Variants in CACNB2 observed in about 807,000 individuals in gnomAD.
CACNB2 encodes voltage-dependent L-type calcium channel subunit beta-2.
A neutral mutation model predicts 73.3 loss-of-function variants in CACNB2; 42 were observed. That is an observed-to-expected ratio of 0.57 (90% CI 0.45 to 0.74). The LOEUF (loss-of-function observed/expected upper bound fraction) is 0.74. Among genes scored for constraint, CACNB2 ranks in the 30% least tolerant of loss-of-function variants. The pLI is 0.00. For synonymous variants in CACNB2, 348 were observed against 310.3 expected, an observed-to-expected ratio of 1.12 and a Z score of -1.28; for missense variants, 940 against 853.0, an observed-to-expected ratio of 1.10 and a Z score of -1.27.
intron 2 of CACNB2, among the ~76,000 whole-genome samples, chr10:18,255,243 C>T (rs143648205): frequency 1.3e-5 from 2 of 152,204 alleles, no homozygotes; most frequent in African/African-American, 4.8e-5. Flanking sequence ...TCTTCTCCTC[C>T]CTCTCTTACT....
intron 2 of CACNB2, chr10:18,401,049 C>T (rs780188247): frequency 6.2e-7 from 1 of 1,614,192 alleles, no homozygotes; most frequent in African/African-American, 1.3e-5. Flanking sequence ...CCACCTGGAT[C>T]AGGCTTCTGA....
intron 3 of CACNB2, among the ~76,000 whole-genome samples, chr10:18,442,795 A>G (rs140010445): frequency 0.025 from 3,761 of 150,132 alleles, 174 homozygotes; most frequent in African/African-American, 0.085. Flanking sequence ...ATTGCACTCC[A>G]GCCTGGTGAC....
chr10:18,501,723 CTTAT>C (rs1444647194), intron 5 of CACNB2, among the ~76,000 whole-genome samples: 1 of 152,154 alleles, frequency 6.6e-6, no homozygotes, highest in African/African-American at 2.4e-5. Flanking sequence ...CATCTTACAT[CTTAT>C]TTGTTTATCT....
At chr10:18,371,469 T>C (rs2042581764) in intron 2 of CACNB2, among the ~76,000 whole-genome samples, 1 of 152,200 alleles carries the variant, frequency 6.6e-6, no homozygotes, top group Admixed American at 6.5e-5. Flanking sequence ...TTGGTTTTTT[T>C]GTCCTTGCGA....
intron 4 of CACNB2, among the ~76,000 whole-genome samples, chr10:18,499,633 A>AAC: frequency 9.6e-6 from 1 of 104,534 alleles, no homozygotes; most frequent in East Asian, 3.4e-4. Flanking sequence ...AAAAAAAAAA[A>AAC]AAAAAAGAAC....
Position 18,518,981 on chromosome 10 carries a change from G to C in CACNB2, c.944+13G>C. On this transcript the variant is annotated intron_variant, in intron 9 of 13. Coordinates refer to ENST00000324631, the MANE Select transcript of CACNB2 (RefSeq NM_201596.3). ...GATTTGAAGGGCGGTGAGTATTTCA[G>C]CATACTGGGTTTTGTGGATTTTGTC... 6.2e-7 allele frequency: 1 copy of C among 1,612,616 alleles called. No homozygotes were observed. The highest frequency in any genetic ancestry group is 1.1e-5 in the South Asian group (1 of 91,034).
chr10:18,357,179 G>C (rs967776545), intron 2 of CACNB2, among the ~76,000 whole-genome samples: 51 of 149,290 alleles, frequency 3.4e-4, no homozygotes, highest in African/African-American at 1.3e-3. Flanking sequence ...TCCTGACCTC[G>C]TGATCCGCCC....
intron 2 of CACNB2, among the ~76,000 whole-genome samples, chr10:18,356,053 C>T (rs1171188702): frequency 6.6e-6 from 1 of 152,198 alleles, no homozygotes; most frequent in African/African-American, 2.4e-5. Context: ...GAGACTCTGG[C>T]ACCCCAAGGC....
chr10:18,274,219 T>C (rs1588907658), intron 2 of CACNB2, among the ~76,000 whole-genome samples: 2 of 108,930 alleles, frequency 1.8e-5, no homozygotes, highest in Non-Finnish European at 1.8e-5. Context: ...AAAATAAATG[T>C]CAGTCCAGAA....
chr10:18,303,621 C>T (rs2039615374), intron 2 of CACNB2, among the ~76,000 whole-genome samples: 1 of 152,188 alleles, frequency 6.6e-6, no homozygotes, highest in Non-Finnish European at 1.5e-5. Flanking sequence ...AGAAGCTGTG[C>T]AACCCGTATG....
At chr10:18,206,780 G>A (rs923722702) in intron 2 of CACNB2, 1 of 152,200 alleles carries the variant, frequency 6.6e-6, no homozygotes, top group South Asian at 2.1e-4. Flanking sequence ...GGGTAATGCC[G>A]GGCTCCATTT....
intron 2 of CACNB2, among the ~76,000 whole-genome samples, chr10:18,165,871 C>T (rs2032815415): frequency 1.3e-5 from 2 of 152,106 alleles, no homozygotes; most frequent in East Asian, 1.9e-4. Flanking sequence ...ATTTCCTTTG[C>T]AACTGACGTT....
At chr10:18,446,227 A>T (rs1439959600) in intron 3 of CACNB2, among the ~76,000 whole-genome samples, 2 of 152,190 alleles carry the variant, frequency 1.3e-5, no homozygotes, top group African/African-American at 4.8e-5. Flanking sequence ...AGGGAAGGAA[A>T]GGGATGGCAG....
chr10:18,244,236 A>G (rs1281226044), intron 2 of CACNB2, among the ~76,000 whole-genome samples: 1 of 152,232 alleles, frequency 6.6e-6, no homozygotes, highest in Non-Finnish European at 1.5e-5. Context: ...TCAAAAAAAG[A>G]GTTCATTCTG....
chr10:18,367,014 C>T (rs1007606880), intron 2 of CACNB2, among the ~76,000 whole-genome samples: 2 of 152,158 alleles, frequency 1.3e-5, no homozygotes, highest in East Asian at 1.9e-4. Context: ...GATTTCTTAG[C>T]GGACATGCTG....
At chr10:18,364,166 G>T (rs1375531433) in intron 2 of CACNB2, among the ~76,000 whole-genome samples, 1 of 152,012 alleles carries the variant, frequency 6.6e-6, no homozygotes, top group Non-Finnish European at 1.5e-5. Context: ...GGCTGGTCTT[G>T]AACTCCTGAC....
chr10:18,510,697 T>A (rs1299574336), intron 6 of CACNB2, among the ~76,000 whole-genome samples: 3 of 152,202 alleles, frequency 2.0e-5, no homozygotes, highest in African/African-American at 7.2e-5. Flanking sequence ...AACTTGACTG[T>A]CCAAGGGTCC....
At chr10:18,214,091 C>T (rs1195812007) in intron 2 of CACNB2, among the ~76,000 whole-genome samples, 1 of 152,098 alleles carries the variant, frequency 6.6e-6, no homozygotes, top group Admixed American at 6.5e-5. Flanking sequence ...TTTACCCCTA[C>T]ACAACTGGAG....
intron 2 of CACNB2, among the ~76,000 whole-genome samples, chr10:18,237,866 C>T (rs184647000): frequency 1.4e-3 from 213 of 152,268 alleles, no homozygotes; most frequent in Non-Finnish European, 1.8e-3. Context: ...GAAAGGTAGG[C>T]AGGAATTAGC....
Sources: gnomAD v4.1 joint callset for allele counts (sites outside exome capture counted in the v4.1 genomes callset) on GRCh38, gnomAD v4.1.1 for gene constraint, MANE v1.5 for transcripts, NCBI Gene and HGNC (gene_info 2026-07-23, HGNC 2026-07-21) for gene names.